The following MGAT4C variants were observed in gnomAD, a reference collection of about 807,000 sequenced individuals.
MGAT4C encodes the protein MGAT4 family member C.
A neutral mutation model predicts 40.1 loss-of-function variants in MGAT4C; 19 were observed. The observed-to-expected ratio is 0.47, with a 90% CI of 0.33 to 0.70. MGAT4C has a LOEUF of 0.70. Ranked by LOEUF, MGAT4C falls within the 30% of genes least tolerant of loss-of-function variation. The pLI is 0.02. For missense variants in MGAT4C, 491 were observed against 563.2 expected, an observed-to-expected ratio of 0.87 and a Z score of 1.30; for synonymous variants, 181 against 187.1, an observed-to-expected ratio of 0.97 and a Z score of 0.27.
chr12:86,782,537 T>A (rs1951864682), intron 1 of MGAT4C, among the ~76,000 whole-genome samples: 2 of 152,098 alleles, frequency 1.3e-5, no homozygotes, highest in African/African-American at 4.8e-5. Context: ...AATATAAATA[T>A]CTCACGAATG....
At chr12:86,428,025 C>T (rs1264201420) in intron 3 of MGAT4C, among the ~76,000 whole-genome samples, 1 of 151,278 alleles carries the variant, frequency 6.6e-6, no homozygotes, top group Non-Finnish European at 1.5e-5. Flanking sequence ...ATTTCAAAAA[C>T]AACAGCAACA....
intron 1 of MGAT4C, among the ~76,000 whole-genome samples, chr12:86,796,515 T>C (rs1315916050): frequency 6.6e-6 from 1 of 151,876 alleles, no homozygotes; most frequent in Non-Finnish European, 1.5e-5. Context: ...CTCATGGAAG[T>C]AGAGAGTAGA....
Position 86,743,048 on chromosome 12 carries a change from ATGTG to A in MGAT4C, c.-261-15811_-261-15808del, listed in dbSNP as rs1272728073. Among the ~76,000 whole-genome samples, 6 of 142,802 alleles carry A rather than the reference ATGTG, an allele frequency of 4.2e-5. 1 individual carries two copies. The Middle Eastern group carries it at 0.014, about 328-fold the overall frequency. The allele number at this position is 142,802 out of a possible 152,430, so 93.7% of individuals were successfully genotyped here. A position where few individuals can be genotyped will look rare whatever the true frequency, so the allele number is the denominator to read the frequency against. On this transcript the variant is annotated intron_variant, in intron 1 of 7. Transcript: ENST00000548651. ...GTGTGTATGTGTATGTGTGTTTTGC[ATGTG>A]TGTATGTGTATGTGTGTATGCATGT...
At chr12:86,744,366 G>A (rs1020552311) in intron 1 of MGAT4C, among the ~76,000 whole-genome samples, 1 of 151,550 alleles carries the variant, frequency 6.6e-6, no homozygotes, top group Non-Finnish European at 1.5e-5. Flanking sequence ...AAGCAGGGTG[G>A]GGAAGAATAA....
chr12:86,738,210 T>G (rs575506183), intron 1 of MGAT4C, among the ~76,000 whole-genome samples: 27 of 151,524 alleles, frequency 1.8e-4, no homozygotes, highest in Admixed American at 4.6e-4. Context: ...GTCTTTGATC[T>G]GGTTGTTCCC....
chr12:85,993,541 G>A (rs1565828219), intron 2 of MGAT4C, among the ~76,000 whole-genome samples: 2 of 152,176 alleles, frequency 1.3e-5, no homozygotes, highest in African/African-American at 4.8e-5. Context: ...AGTGGGGCTG[G>A]AGGGGCCTTG....
chr12:86,434,292 G>T (rs1957097503), intron 3 of MGAT4C, among the ~76,000 whole-genome samples: 1 of 151,864 alleles, frequency 6.6e-6, no homozygotes, highest in South Asian at 2.1e-4. Context: ...AAAATGAAAA[G>T]GAAGGGCCAT....
At chr12:86,515,293 G>A (rs1297496109) in intron 2 of MGAT4C, among the ~76,000 whole-genome samples, 1 of 152,098 alleles carries the variant, frequency 6.6e-6, no homozygotes, top group Non-Finnish European at 1.5e-5. Context: ...TCTAGCCAGA[G>A]CCACTTGCAA....
chr12:86,393,855 C>A (rs1300111326), intron 3 of MGAT4C, among the ~76,000 whole-genome samples: 2 of 152,162 alleles, frequency 1.3e-5, no homozygotes, highest in African/African-American at 4.8e-5. Context: ...AATGTCAATG[C>A]TGCTAGTTGG....
At chr12:86,263,576 T>C (rs1211224973) in intron 4 of MGAT4C, among the ~76,000 whole-genome samples, 1 of 152,178 alleles carries the variant, frequency 6.6e-6, no homozygotes, top group East Asian at 1.9e-4. Context: ...CAATCATCTA[T>C]TGATGACACT....
chr12:86,215,010 C>T (rs1950614530), intron 1 of MGAT4C, among the ~76,000 whole-genome samples: 1 of 152,144 alleles, frequency 6.6e-6, no homozygotes, highest in Non-Finnish European at 1.5e-5. Context: ...ATGACCTTCA[C>T]AGGGTCTTCT....
intron 1 of MGAT4C, among the ~76,000 whole-genome samples, chr12:86,113,466 G>T (rs1877811052): frequency 6.6e-6 from 1 of 151,620 alleles, no homozygotes; most frequent in Non-Finnish European, 1.5e-5. Context: ...TATATTCAAG[G>T]ATGGAAACTC....
intron 1 of MGAT4C, among the ~76,000 whole-genome samples, chr12:86,146,903 C>T (rs1883593341): frequency 6.6e-6 from 1 of 151,806 alleles, no homozygotes; most frequent in Non-Finnish European, 1.5e-5. Context: ...TTTTCCACAC[C>T]TGGCAATGTC....
At position 85,971,431 on chromosome 12, in the gene MGAT4C, T is replaced by C. The variant is rs1411065488; in HGVS notation, c.*7858A>G. On this transcript the variant is annotated 3_prime_UTR_variant, in exon 5 of 5. Coordinates refer to ENST00000611864, the MANE Select transcript of MGAT4C (RefSeq NM_001351288.2). Reference sequence around the variant, plus strand: ...TTTAACTTGAAGGACACTTATATTTTGTATCACTTTTGTAGCAAACACATG... The same window carrying C: ...TTTAACTTGAAGGACACTTATATTTCGTATCACTTTTGTAGCAAACACATG... 1 of 151,270 alleles carries C rather than the reference T, an allele frequency of 6.6e-6. No homozygotes were observed. Among genetic ancestry groups the C allele is most frequent in the African/African-American group, 2.4e-5 (1 of 41,376 alleles). The allele number at this position is 151,270 out of a possible 1,614,324, so 9.4% of individuals were successfully genotyped here.
At chr12:86,779,443 G>GA (rs1301197530) in intron 1 of MGAT4C, among the ~76,000 whole-genome samples, 3 of 150,198 alleles carry the variant, frequency 2.0e-5, no homozygotes, top group Non-Finnish European at 3.0e-5. Context: ...AAAAATAATT[G>GA]AAAAAAAAAT....
chr12:86,220,576 A>G (rs1477069131), intron 1 of MGAT4C, among the ~76,000 whole-genome samples: 1 of 152,170 alleles, frequency 6.6e-6, no homozygotes, highest in Non-Finnish European at 1.5e-5. Context: ...AAATATCACT[A>G]GTGCTTCCCT....
chr12:86,628,454 C>A (rs961098003), intron 2 of MGAT4C, among the ~76,000 whole-genome samples: 9 of 112,358 alleles, frequency 8.0e-5, no homozygotes, highest in African/African-American at 3.2e-4. Context: ...TCAGATTAAC[C>A]AAGGTTGAAA....
chr12:86,205,715 TAAA>T (rs1418775455), intron 1 of MGAT4C, among the ~76,000 whole-genome samples: 2 of 152,174 alleles, frequency 1.3e-5, no homozygotes, highest in East Asian at 3.9e-4. Flanking sequence ...TAATTTATAA[TAAA>T]TATGGCATAT....
At chr12:86,398,723 T>G (rs1326771507) in intron 3 of MGAT4C, among the ~76,000 whole-genome samples, 1 of 151,828 alleles carries the variant, frequency 6.6e-6, no homozygotes, top group Non-Finnish European at 1.5e-5. Flanking sequence ...GAGGCAGGCC[T>G]TAGAAACTAA....
Sources: gnomAD v4.1 joint callset for allele counts (sites outside exome capture counted in the v4.1 genomes callset) on GRCh38, gnomAD v4.1.1 for gene constraint, MANE v1.5 for transcripts, NCBI Gene and HGNC (gene_info 2026-07-23, HGNC 2026-07-21) for gene names.